The following FEM1B variants were observed in gnomAD, a reference collection of about 807,000 sequenced individuals.
FEM1B encodes the protein protein fem-1 homolog B.
Under a neutral mutation model 38.6 loss-of-function variants are expected in FEM1B, and 10 were observed. The ratio of observed to expected loss-of-function variants is 0.26; its 90% confidence interval spans 0.16 to 0.44. The LOEUF (loss-of-function observed/expected upper bound fraction) is 0.44. Among genes scored for constraint, FEM1B ranks in the 20% least tolerant of loss-of-function variants. The pLI is 1.00. For missense variants in FEM1B, 471 were observed against 786.7 expected, an observed-to-expected ratio of 0.60 and a Z score of 4.80; for synonymous variants, 288 against 288.0, an observed-to-expected ratio of 1.00 and a Z score of 0.00.
At position 68,288,893 on chromosome 15, in the gene FEM1B, G is replaced by A. The variant is rs1322030154; in HGVS notation, c.249-714G>A. 6.6e-6 allele frequency among the ~76,000 whole-genome samples: 1 copy of A among 152,060 alleles called. No individual in the cohort carries two copies. The highest frequency in any genetic ancestry group is 1.9e-4 in the East Asian group (1 of 5,194). ...AAAGTGAACATATTTGTTTACTAGA[G>A]TCCCCTTTGTGCTTTCTCCCATTTC... On this transcript the variant is annotated intron_variant, in intron 1 of 1. Coordinates refer to ENST00000306917, the MANE Select transcript of FEM1B (RefSeq NM_015322.5). The surrounding 1 kb of genome is among the most constrained non-coding windows in gnomAD (Gnocchi z 4.6).
At position 68,291,289 on chromosome 15, in the gene FEM1B, G is replaced by T; in HGVS notation, c.*47G>T. 7.2e-7 allele frequency: 1 copy of T among 1,387,312 alleles called. No individual in the cohort carries two copies. The highest frequency in any genetic ancestry group is 1.4e-5 in the South Asian group (1 of 72,072). The allele number at this position is 1,387,312 out of a possible 1,614,324, so 85.9% of individuals were successfully genotyped here. On this transcript the variant is annotated 3_prime_UTR_variant, in exon 2 of 2. Transcript: ENST00000306917. The surrounding 1 kb of genome is among the most constrained non-coding windows in gnomAD (Gnocchi z 6.9). ...TTTAATGTGGTGCTAAAAAGTAAAGGACTTTTAATCACAGACAGTAGAATT... is the reference window on the plus strand; with the variant it reads ...TTTAATGTGGTGCTAAAAAGTAAAGTACTTTTAATCACAGACAGTAGAATT...
rs1018215702 is a variant in FEM1B at position 68,294,632 on chromosome 15, C to T, written c.*3390C>T. ...TGGGGTGGGATGAGGAGTGAGTTGC[C>T]AGACCTTTGATTAGTTTGCTGGTTT... On this transcript the variant is annotated 3_prime_UTR_variant, in exon 2 of 2. Coordinates refer to ENST00000306917, the MANE Select transcript of FEM1B (RefSeq NM_015322.5). The surrounding 1 kb of genome is among the most constrained non-coding windows in gnomAD (Gnocchi z 4.4). 3 of 151,808 alleles carry T rather than the reference C, an allele frequency of 2.0e-5. No homozygotes were observed. The highest frequency in any genetic ancestry group is 6.6e-5 in the Admixed American group (1 of 15,232). The allele number at this position is 151,808 out of a possible 1,614,324, so 9.4% of individuals were successfully genotyped here. A position where few individuals can be genotyped will look rare whatever the true frequency, so the allele number is the denominator to read the frequency against.
Position 68,291,623 on chromosome 15 carries a change from G to T in FEM1B, c.*381G>T, listed in dbSNP as rs777320070. On this transcript the variant is annotated 3_prime_UTR_variant, in exon 2 of 2. Coordinates refer to ENST00000306917, the MANE Select transcript of FEM1B (RefSeq NM_015322.5). The surrounding 1 kb of genome is among the most constrained non-coding windows in gnomAD (Gnocchi z 6.9). ...AAGCCTATGTCAGCATGTTATCCAT[G>T]CAGCAGTTTTGAGGATTTTATGAAG... 1 of 179,562 alleles carries T rather than the reference G, an allele frequency of 5.6e-6. No homozygotes were observed. 11.1% of individuals were successfully genotyped at this position (179,562 alleles called of 1,614,324 possible). A position where few individuals can be genotyped will look rare whatever the true frequency, so the allele number is the denominator to read the frequency against.
At position 68,289,362 on chromosome 15, in the gene FEM1B, G is replaced by A. The variant is rs1209890194; in HGVS notation, c.249-245G>A. ...TAGTAGAAAGTTCGTGATTTTTCAG[G>A]TTTGTTTTTTAGGGTTATATACTCT... On this transcript the variant is annotated intron_variant, in intron 1 of 1. Coordinates refer to ENST00000306917, the MANE Select transcript of FEM1B (RefSeq NM_015322.5). This position sits in a 1 kb window ranked among gnomAD's most constrained non-coding sequence, Gnocchi z 6.9. 2.4e-6 allele frequency: 1 copy of A among 416,254 alleles called. No homozygotes were observed. The highest frequency in any genetic ancestry group is 4.3e-6 in the Non-Finnish European group (1 of 232,824). The allele number at this position is 416,254 out of a possible 1,614,324, so 25.8% of individuals were successfully genotyped here. A position where few individuals can be genotyped will look rare whatever the true frequency, so the allele number is the denominator to read the frequency against.
In FEM1B at chr15:68,288,205, C is replaced by A. The variant is rs545342206; in HGVS notation, c.249-1402C>A. Among the ~76,000 whole-genome samples the A allele has an allele frequency of 6.6e-6, 1 of 152,308 alleles. No individual in the cohort carries two copies. The highest frequency in any genetic ancestry group is 1.9e-4 in the East Asian group (1 of 5,178). ...TCATGACCTAATCACCTCTTCAAGACATCACCTCTTAATGCTATTCACGTT... is the reference window on the plus strand; with the variant it reads ...TCATGACCTAATCACCTCTTCAAGAAATCACCTCTTAATGCTATTCACGTT... On this transcript the variant is annotated intron_variant, in intron 1 of 1. Coordinates refer to ENST00000306917, the MANE Select transcript of FEM1B (RefSeq NM_015322.5). The surrounding 1 kb of genome is among the most constrained non-coding windows in gnomAD (Gnocchi z 4.6).
rs186145707 is a variant in FEM1B, at chr15:68,281,201, A to T, written c.248+2536A>T. Among the ~76,000 whole-genome samples, 12 of 152,372 alleles carry T rather than the reference A, an allele frequency of 7.9e-5. No homozygotes were observed. Among genetic ancestry groups the T allele is most frequent in the Admixed American group, 1.3e-4 (2 of 15,306 alleles). On this transcript the variant is annotated intron_variant, in intron 1 of 1. Coordinates refer to ENST00000306917, the MANE Select transcript of FEM1B (RefSeq NM_015322.5). The surrounding 1 kb of genome is among the most constrained non-coding windows in gnomAD (Gnocchi z 5.1). ...TTGGGGGCTGACCTTTGAAAAACAC[A>T]TAGCCAGCACTTGAGACACATGGCC...
rs770819033 is a variant in FEM1B at position 68,278,695 on chromosome 15, G to A, written c.248+30G>A. The A allele has an allele frequency of 2.5e-6, 4 of 1,610,050 alleles. No individual in the cohort carries two copies. In the South Asian group the frequency reaches 3.3e-5, roughly 13 times the overall value. ...GTACATCCCAAGCCAGCCTCTCTCCGACGCGCGCGGACTCGTTAATTCACG... is the reference window on the plus strand; with the variant it reads ...GTACATCCCAAGCCAGCCTCTCTCCAACGCGCGCGGACTCGTTAATTCACG... On this transcript the variant is annotated intron_variant, in intron 1 of 1. Coordinates refer to ENST00000306917, the MANE Select transcript of FEM1B (RefSeq NM_015322.5). This position sits in a 1 kb window ranked among gnomAD's most constrained non-coding sequence, Gnocchi z 5.7.
At position 68,278,373 on chromosome 15, in the gene FEM1B, G is replaced by A; in HGVS notation, c.-45G>A. The A allele has an allele frequency of 6.3e-7, 1 of 1,581,362 alleles. No homozygotes were observed. Among genetic ancestry groups the A allele is most frequent in the Non-Finnish European group, 8.6e-7 (1 of 1,163,080 alleles). On this transcript the variant is annotated 5_prime_UTR_variant, in exon 1 of 2. Transcript: ENST00000306917. This position sits in a 1 kb window ranked among gnomAD's most constrained non-coding sequence, Gnocchi z 5.7. ...ACGCGGCCTCCGGGGGCGCACGGCA[G>A]CTGCAGCGGTGGCGACCAAACGGGT...
Position 68,278,628 on chromosome 15 carries a change from G to A in FEM1B, c.211G>A (p.Val71Met). The change falls in exon 1 of 2, where the codon GTG (valine) becomes ATG (methionine). Residue 71 changes from valine to methionine, a missense_variant. By Grantham distance (21) the Val-to-Met change is conservative. Transcript: ENST00000306917. This position sits in a 1 kb window ranked among gnomAD's most constrained non-coding sequence, Gnocchi z 5.7. ...ACGCTTGCTCTTAGAACATTACCGG[G>A]TGCAGACTCAGCAGACTGGCACCGT... is the stretch of plus-strand genomic sequence containing the variant. ...VVRLLLEHYR[V>M]QTQQTGTVRF... is the part of the protein sequence containing the mutation. 3 of 1,614,060 alleles carry A rather than the reference G, an allele frequency of 1.9e-6. No homozygotes were observed. Among genetic ancestry groups the A allele is most frequent in the Non-Finnish European group, 2.5e-6 (3 of 1,180,024 alleles).
rs1031346128 is a variant in FEM1B at position 68,278,366 on chromosome 15, C to T, written c.-52C>T. ...CTGGCGAACGCGGCCTCCGGGGGCG[C>T]ACGGCAGCTGCAGCGGTGGCGACCA... On this transcript the variant is annotated 5_prime_UTR_variant, in exon 1 of 2. Coordinates refer to ENST00000306917, the MANE Select transcript of FEM1B (RefSeq NM_015322.5). The surrounding 1 kb of genome is among the most constrained non-coding windows in gnomAD (Gnocchi z 5.7). The T allele has an allele frequency of 2.5e-6, 4 of 1,572,234 alleles. No individual in the cohort carries two copies. The African/African-American group carries it at 5.4e-5, about 21-fold the overall frequency.
chr15:68,287,577 GTGA>G lies in FEM1B; in HGVS notation c.249-2027_249-2025del, dbSNP rs1297490407. 2.0e-5 allele frequency among the ~76,000 whole-genome samples: 3 copies of G among 152,286 alleles called. No individual in the cohort carries two copies. In the East Asian group the frequency reaches 5.8e-4, roughly 29 times the overall value. ...GTGATAAAGGGTATTGTTTTTTGTG[GTGA>G]TGTTAACTGGGGTTAAACCATGATA... On this transcript the variant is annotated intron_variant, in intron 1 of 1. Transcript: ENST00000306917.
chr15:68,290,275 C>G lies in FEM1B; in HGVS notation c.917C>G (p.Thr306Ser). ...CCAATCCATGCTTATGGGAATAGAA[C>G]TGAATGTAGAAATCCTCAGGAACTG... is the stretch of plus-strand genomic sequence containing the variant. ...LPPIHAYGNR[T>S]ECRNPQELES... Residue 306 changes from threonine (T) to serine (S), a missense_variant, in exon 2 of 2, where the codon ACT (threonine) becomes AGT (serine). Physicochemically the swap from Thr to Ser is moderately conservative, Grantham distance 58. This residue lies in a region of FEM1B where 380 missense variants were observed against 599.6 expected (regional missense o/e 0.63). Coordinates refer to ENST00000306917, the MANE Select transcript of FEM1B (RefSeq NM_015322.5). This position sits in a 1 kb window ranked among gnomAD's most constrained non-coding sequence, Gnocchi z 9.7. The G allele has an allele frequency of 6.2e-7, 1 of 1,614,056 alleles. No individual in the cohort carries two copies. The highest frequency in any genetic ancestry group is 8.5e-7 in the Non-Finnish European group (1 of 1,180,004).
At position 68,290,782 on chromosome 15, in the gene FEM1B, T is replaced by G. The variant is rs1166682505; in HGVS notation, c.1424T>G (p.Ile475Ser). Residue 475 changes from isoleucine to serine, a missense_variant, in exon 2 of 2, where the codon ATT (isoleucine) becomes AGT (serine). Coordinates refer to ENST00000306917, the MANE Select transcript of FEM1B (RefSeq NM_015322.5). The surrounding 1 kb of genome is among the most constrained non-coding windows in gnomAD (Gnocchi z 9.7). ...ATTAACAAGCAGATCTACAACCTGA[T>G]TCACCTTGATCCCAGAACTCGTGAA... ...CKINKQIYNLIHLDPRTREGF... is the reference protein window; with the variant it reads ...CKINKQIYNLSHLDPRTREGF... The G allele has an allele frequency of 6.2e-7, 1 of 1,614,004 alleles. No individual in the cohort carries two copies. The highest frequency in any genetic ancestry group is 8.5e-7 in the Non-Finnish European group (1 of 1,179,978).
chr15:68,286,786 CAAT>C (rs1283148874), intron 1 of FEM1B, among the ~76,000 whole-genome samples: 4 of 136,460 alleles, frequency 2.9e-5, no homozygotes, highest in Non-Finnish European at 6.7e-5. Flanking sequence ...ATAATCATGA[CAAT>C]AAAAACATAA....
At chr15:68,283,481 T>C (rs1011596340) in intron 1 of FEM1B, among the ~76,000 whole-genome samples, 15 of 117,262 alleles carry the variant, frequency 1.3e-4, no homozygotes, top group African/African-American at 4.8e-4. Context: ...CTGGGCAACA[T>C]AGTGAGACCT....
rs1043067145 is a variant in FEM1B, at chr15:68,292,220, T to C, written c.*978T>C. 3 of 152,190 alleles carry C rather than the reference T, an allele frequency of 2.0e-5. No homozygotes were observed. The highest frequency in any genetic ancestry group is 7.2e-5 in the African/African-American group (3 of 41,452). 9.4% of individuals were successfully genotyped at this position (152,190 alleles called of 1,614,324 possible). A position where few individuals can be genotyped will look rare whatever the true frequency, so the allele number is the denominator to read the frequency against. ...CAGATGAAAAGGAACCAGGATATGT[T>C]TGAATTTTTTCACTTTCTTAGTCTG... is the stretch of plus-strand genomic sequence containing the variant. On this transcript the variant is annotated 3_prime_UTR_variant, in exon 2 of 2. Transcript: ENST00000306917.
chr15:68,290,738 C>T lies in FEM1B; in HGVS notation c.1380C>T (p.Ser460=), dbSNP rs772569429. 59 of 1,613,834 alleles carry T rather than the reference C, an allele frequency of 3.7e-5. No homozygotes were observed. Among genetic ancestry groups the T allele is most frequent in the Non-Finnish European group, 4.5e-5 (53 of 1,179,910 alleles). Residue 460 remains serine, a synonymous_variant, in exon 2 of 2, where the codon AGC becomes AGT. Transcript: ENST00000306917. The surrounding 1 kb of genome is among the most constrained non-coding windows in gnomAD (Gnocchi z 9.7). ...LVCISTKTQC[S]EEDQCKINKQ... is the part of the protein sequence containing the mutation. ...GCATCTCTACCAAAACACAGTGCAG[C>T]GAAGAAGATCAGTGCAAAATTAACA...
At position 68,290,253 on chromosome 15, in the gene FEM1B, A is replaced by G. The variant is rs1892832267; in HGVS notation, c.895A>G (p.Ile299Val). Residue 299 changes from isoleucine to valine, a missense_variant, in exon 2 of 2, where the codon ATC (isoleucine) becomes GTC (valine). Around this residue, in one of 3 missense-constraint regions of FEM1B, gnomAD observed 380 missense variants for 599.6 expected, o/e 0.63. Transcript: ENST00000306917. This position sits in a 1 kb window ranked among gnomAD's most constrained non-coding sequence, Gnocchi z 9.7. ...NILEKEVLPP[I>V]HAYGNRTECR... Reference sequence around the variant, plus strand: ...TCTCGAAAAAGAGGTTCTTCCACCAATCCATGCTTATGGGAATAGAACTGA... The same window carrying G: ...TCTCGAAAAAGAGGTTCTTCCACCAGTCCATGCTTATGGGAATAGAACTGA... The G allele has an allele frequency of 6.2e-7, 1 of 1,614,120 alleles. No homozygotes were observed. Among genetic ancestry groups the G allele is most frequent in the Non-Finnish European group, 8.5e-7 (1 of 1,180,038 alleles).
chr15:68,289,709 C>T lies in FEM1B; in HGVS notation c.351C>T (p.Thr117=). 7.4e-6 allele frequency: 12 copies of T among 1,614,146 alleles called. No homozygotes were observed. Among genetic ancestry groups the T allele is most frequent in the Non-Finnish European group, 1.0e-5 (12 of 1,179,986 alleles). The change falls in exon 2 of 2, where the codon ACC becomes ACT. Residue 117 remains threonine (T), a synonymous_variant. Coordinates refer to ENST00000306917, the MANE Select transcript of FEM1B (RefSeq NM_015322.5). The surrounding 1 kb of genome is among the most constrained non-coding windows in gnomAD (Gnocchi z 6.9). ...GCCATGGAGCCAACGTGAACCATAC[C>T]ACAGTAACTAATTCAACCCCCCTGC... ...LVSHGANVNH[T]TVTNSTPLRA...
Sources: gnomAD v4.1 joint callset for allele counts (sites outside exome capture counted in the v4.1 genomes callset) on GRCh38, gnomAD v4.1.1 for gene constraint, gnomAD v4.1.1 regional missense constraint, Gnocchi (gnomAD v3.1) non-coding constraint, MANE v1.5 for transcripts, NCBI Gene and HGNC (gene_info 2026-07-23, HGNC 2026-07-21) for gene names.